Variants in EPB41L4A observed in about 807,000 individuals in gnomAD.
The protein encoded by EPB41L4A is erythrocyte membrane protein band 4.1 like 4A, also known as band 4.1-like protein 4A.
A neutral mutation model predicts 108.6 loss-of-function variants in EPB41L4A; 100 were observed. The observed-to-expected ratio is 0.92, with a 90% CI of 0.78 to 1.09. The LOEUF is 1.09. Among genes scored for constraint, EPB41L4A ranks in the 50% least tolerant of loss-of-function variants. The pLI is 0.00. For synonymous variants in EPB41L4A, 319 were observed against 289.0 expected (o/e 1.10, Z -1.05); for missense variants, 1,030 against 842.7 (o/e 1.22, Z -2.75).
chr5:112,306,506 G>A (rs115356165), intron 2 of EPB41L4A, among the ~76,000 whole-genome samples: 1,712 of 152,248 alleles, frequency 0.011, 43 homozygotes, highest in South Asian at 0.055. Flanking sequence ...AGAAAATCAT[G>A]TTCTTCACTG....
chr5:112,382,686 G>A (rs1206674080), intron 1 of EPB41L4A, among the ~76,000 whole-genome samples: 1 of 152,284 alleles, frequency 6.6e-6, no homozygotes, highest in South Asian at 2.1e-4. Flanking sequence ...ATGTGGGAGG[G>A]TTGGGGGAAC....
At chr5:112,360,803 G>A (rs530932281) in intron 1 of EPB41L4A, among the ~76,000 whole-genome samples, 12 of 152,038 alleles carry the variant, frequency 7.9e-5, no homozygotes, top group South Asian at 2.1e-4. Flanking sequence ...GTCTCTGCCC[G>A]GCCGCCCATC....
intron 17 of EPB41L4A, among the ~76,000 whole-genome samples, chr5:112,190,888 GA>G (rs76074053): frequency 6.6e-6 from 1 of 151,618 alleles, no homozygotes; most frequent in African/African-American, 2.4e-5. Flanking sequence ...ACAGAAGAAA[GA>G]AAAAAGACTG....
chr5:112,172,534 A>G (rs945781975), intron 18 of EPB41L4A, among the ~76,000 whole-genome samples: 1 of 150,892 alleles, frequency 6.6e-6, no homozygotes, highest in Non-Finnish European at 1.5e-5. Context: ...AAAAAATTGT[A>G]TGTTTCTTAC....
At position 112,419,186 on chromosome 5, in the gene EPB41L4A, C is replaced by A. The variant is rs1280719448; in HGVS notation, c.-147G>T. 7.3e-6 allele frequency: 4 copies of A among 551,648 alleles called. No homozygotes were observed. Among genetic ancestry groups the A allele is most frequent in the Non-Finnish European group, 6.4e-6 (2 of 314,442 alleles). The allele number at this position is 551,648 out of a possible 1,614,324, so 34.2% of individuals were successfully genotyped here. A position where few individuals can be genotyped will look rare whatever the true frequency, so the allele number is the denominator to read the frequency against. ...CTCCCGGCGGGGTCCGGGGACCGGCCGCCGAACCGCCCGGCGGGGCGGGAG... is the reference window on the plus strand; with the variant it reads ...CTCCCGGCGGGGTCCGGGGACCGGCAGCCGAACCGCCCGGCGGGGCGGGAG... On this transcript the variant is annotated 5_prime_UTR_variant, in exon 1 of 23. Transcript: ENST00000261486.
intron 22 of EPB41L4A, among the ~76,000 whole-genome samples, chr5:112,168,006 C>A (rs561782916): frequency 1.4e-4 from 21 of 152,324 alleles, no homozygotes; most frequent in African/African-American, 3.8e-4. Flanking sequence ...AACCACAACA[C>A]GACGAACAAC....
At chr5:112,288,086 G>A (rs1206536322) in intron 2 of EPB41L4A, among the ~76,000 whole-genome samples, 1 of 152,156 alleles carries the variant, frequency 6.6e-6, no homozygotes, top group African/African-American at 2.4e-5. Context: ...ATGCTGTCAG[G>A]TAAACATGCT....
chr5:112,314,517 AAAAAAAAAAAAAAAAAAAAAAG>A (rs1332276002), intron 1 of EPB41L4A, among the ~76,000 whole-genome samples: 1 of 122,862 alleles, frequency 8.1e-6, no homozygotes, highest in Non-Finnish European at 1.8e-5. Flanking sequence ...AAAAAAAAAA[AAAAAAAAAAAAAAAAAAAAAAG>A]AAAAGAAATT....
At chr5:112,302,538 C>T (rs1754432094) in intron 2 of EPB41L4A, among the ~76,000 whole-genome samples, 1 of 152,088 alleles carries the variant, frequency 6.6e-6, no homozygotes, top group Admixed American at 6.6e-5. Flanking sequence ...TTATAGATTC[C>T]TTCAATCATC....
chr5:112,290,214 C>A (rs1362471034), intron 2 of EPB41L4A, among the ~76,000 whole-genome samples: 1 of 152,178 alleles, frequency 6.6e-6, no homozygotes, highest in African/African-American at 2.4e-5. Flanking sequence ...TCCAAACATA[C>A]TAGTTTTATT....
rs1008094222 is a variant in EPB41L4A, at chr5:112,252,291, C to T, written c.795+6938G>A. 2.0e-5 allele frequency among the ~76,000 whole-genome samples: 3 copies of T among 152,006 alleles called. No homozygotes were observed. In the South Asian group the frequency reaches 6.2e-4, roughly 32 times the overall value. On this transcript the variant is annotated intron_variant, in intron 9 of 22. Transcript: ENST00000261486. ...TGTGTGTATATATGAAAGCATTATTCCCTAGCTCTGTCAACTGAAAAGGCC... is the reference window on the plus strand; with the variant it reads ...TGTGTGTATATATGAAAGCATTATTTCCTAGCTCTGTCAACTGAAAAGGCC...
In EPB41L4A at chr5:112,163,904, G is replaced by C. The variant is rs1021786022; in HGVS notation, c.*1086C>G. 2 of 152,470 alleles carry C rather than the reference G, an allele frequency of 1.3e-5. No homozygotes were observed. The highest frequency in any genetic ancestry group is 2.4e-5 in the African/African-American group (1 of 41,470). 9.4% of individuals were successfully genotyped at this position (152,470 alleles called of 1,614,324 possible). On this transcript the variant is annotated 3_prime_UTR_variant, in exon 23 of 23. Coordinates refer to ENST00000261486, the MANE Select transcript of EPB41L4A (RefSeq NM_022140.5). ...CTGGGAGAAGAGCATCCAAAGCACAGGTGGAGAGACAAAAAGGTTAGGGCT... is the reference window on the plus strand; with the variant it reads ...CTGGGAGAAGAGCATCCAAAGCACACGTGGAGAGACAAAAAGGTTAGGGCT...
chr5:112,235,091 A>G (rs1286205042), intron 11 of EPB41L4A, among the ~76,000 whole-genome samples: 1 of 152,242 alleles, frequency 6.6e-6, no homozygotes, highest in Non-Finnish European at 1.5e-5. Context: ...AAGTTGGGCT[A>G]AACTGTGGGA....
chr5:112,257,668 A>C (rs1307592244), intron 9 of EPB41L4A, among the ~76,000 whole-genome samples: 1 of 152,216 alleles, frequency 6.6e-6, no homozygotes, highest in African/African-American at 2.4e-5. Flanking sequence ...CATGAAAGTC[A>C]TTCACCAGAG....
intron 2 of EPB41L4A, among the ~76,000 whole-genome samples, chr5:112,296,760 C>T (rs1366696561): frequency 6.6e-6 from 1 of 152,078 alleles, no homozygotes; most frequent in Non-Finnish European, 1.5e-5. Context: ...CACCCCCTTC[C>T]TACCCCTTCC....
At chr5:112,394,511 T>C (rs1241588413) in intron 1 of EPB41L4A, among the ~76,000 whole-genome samples, 1 of 151,992 alleles carries the variant, frequency 6.6e-6, no homozygotes, top group African/African-American at 2.4e-5. Context: ...GAGAATAAAA[T>C]ACCTAGGAAT....
At chr5:112,147,171 GTA>G (rs1759290366) in intron 12 of EPB41L4A, among the ~76,000 whole-genome samples, 1 of 152,120 alleles carries the variant, frequency 6.6e-6, no homozygotes, top group Admixed American at 6.5e-5. Flanking sequence ...TCTTGAATTA[GTA>G]TTCATTTAGC....
In EPB41L4A at chr5:112,419,176, G is replaced by T; in HGVS notation, c.-137C>A. 1 of 592,994 alleles carries T rather than the reference G, an allele frequency of 1.7e-6. No individual in the cohort carries two copies. The allele number at this position is 592,994 out of a possible 1,614,324, so 36.7% of individuals were successfully genotyped here. ...AGACGAGCAGCTCCCGGCGGGGTCC[G>T]GGGACCGGCCGCCGAACCGCCCGGC... On this transcript the variant is annotated 5_prime_UTR_variant, in exon 1 of 23. Coordinates refer to ENST00000261486, the MANE Select transcript of EPB41L4A (RefSeq NM_022140.5).
At chr5:112,234,180 A>G (rs1485035524) in intron 12 of EPB41L4A, among the ~76,000 whole-genome samples, 1 of 123,562 alleles carries the variant, frequency 8.1e-6, no homozygotes, top group African/African-American at 2.9e-5. Flanking sequence ...TAAAATAAAT[A>G]AAATTAAAAT....
Sources: gnomAD v4.1 joint callset for allele counts (sites outside exome capture counted in the v4.1 genomes callset) on GRCh38, gnomAD v4.1.1 for gene constraint, MANE v1.5 for transcripts, NCBI Gene and HGNC (gene_info 2026-07-23, HGNC 2026-07-21) for gene names.